SLC4A10: variants seen among roughly 807,000 people sequenced by gnomAD.
The protein encoded by SLC4A10 is solute carrier family 4 member 10, also known as sodium-driven chloride bicarbonate exchanger.
In SLC4A10, 42 loss-of-function variants were observed where a neutral mutation model predicts 137.7. The observed-to-expected ratio is 0.30, with a 90% CI of 0.24 to 0.39. The LOEUF (loss-of-function observed/expected upper bound fraction) is 0.39. Among genes scored for constraint, SLC4A10 ranks in the 10% least tolerant of loss-of-function variants. The pLI, the probability that SLC4A10 is intolerant of heterozygous loss-of-function variation, is 1.00. For missense variants in SLC4A10, 925 were observed against 1,355.0 expected (o/e 0.68, Z 4.98); for synonymous variants, 474 against 464.1 (o/e 1.02, Z -0.27).
chr2:161,792,849 T>C (rs1446963762), intron 2 of SLC4A10, among the ~76,000 whole-genome samples: 4 of 152,152 alleles, frequency 2.6e-5, no homozygotes, highest in African/African-American at 9.7e-5. Flanking sequence ...GTGCTTGAGT[T>C]CTAGAACCCA....
Position 161,770,976 on chromosome 2 carries a change from AATG to A in SLC4A10, c.57_59del (p.Asp19del), listed in dbSNP as rs2051517636. ...CTTCCTTATCCTCATTTAACAGAGAAATGATGAAGAAGCAGTTGTGGATAGAGG... is the reference window on the plus strand; with the variant it reads ...CTTCCTTATCCTCATTTAACAGAGAAATGAAGAAGCAGTTGTGGATAGAGG... On this transcript the variant is annotated inframe_deletion, in exon 2 of 27. Coordinates refer to ENST00000446997, the MANE Select transcript of SLC4A10 (RefSeq NM_001178015.2). 6.2e-7 allele frequency: 1 copy of A among 1,602,434 alleles called. No individual in the cohort carries two copies. The highest frequency in any genetic ancestry group is 8.5e-7 in the Non-Finnish European group (1 of 1,172,982).
intron 1 of SLC4A10, among the ~76,000 whole-genome samples, chr2:161,722,170 G>T (rs773168548): frequency 5.9e-4 from 90 of 152,302 alleles, no homozygotes; most frequent in Non-Finnish European, 9.8e-4. Context: ...ACCTTCTGCA[G>T]CCTACTTTTG....
At chr2:161,978,662 A>G (rs1480233306) in intron 26 of SLC4A10, among the ~76,000 whole-genome samples, 1 of 152,212 alleles carries the variant, frequency 6.6e-6, no homozygotes, top group African/African-American at 2.4e-5. Context: ...CAGCAAGTGC[A>G]TAGAATCTTC....
chr2:161,866,759 A>C (rs1368216464), intron 6 of SLC4A10, among the ~76,000 whole-genome samples: 2 of 151,832 alleles, frequency 1.3e-5, no homozygotes, highest in African/African-American at 4.8e-5. Flanking sequence ...TAGAAGACAA[A>C]TTTTATCAGT....
intron 16 of SLC4A10, among the ~76,000 whole-genome samples, chr2:161,944,217 A>C (rs1693282926): frequency 6.6e-6 from 1 of 151,866 alleles, no homozygotes. Context: ...GTTATTCAGA[A>C]TTTAGACATG....
chr2:161,781,356 A>G (rs75661971), intron 2 of SLC4A10, among the ~76,000 whole-genome samples: 3,264 of 152,128 alleles, frequency 0.021, 60 homozygotes, highest in Non-Finnish European at 0.033. Context: ...TCTTCCACTT[A>G]TGTCCTTTAA....
chr2:161,656,703 A>T (rs950203286), intron 1 of SLC4A10, among the ~76,000 whole-genome samples: 7 of 152,162 alleles, frequency 4.6e-5, no homozygotes, highest in Admixed American at 1.3e-4. Flanking sequence ...ACCATTTAAA[A>T]ATTTCTACAT....
At chr2:161,708,689 A>G (rs1264955348) in intron 1 of SLC4A10, 34 of 1,508,042 alleles carry the variant, frequency 2.3e-5, no homozygotes, top group Non-Finnish European at 2.9e-5. Context: ...TATTTTTTTC[A>G]CTAGCCCTGA....
chr2:161,930,045 T>A (rs1690039213), intron 15 of SLC4A10, among the ~76,000 whole-genome samples: 1 of 152,220 alleles, frequency 6.6e-6, no homozygotes, highest in East Asian at 1.9e-4. Flanking sequence ...TACCTGGTCT[T>A]TCTTGGAATA....
At chr2:161,636,648 C>T (rs1347649485) in intron 1 of SLC4A10, among the ~76,000 whole-genome samples, 1 of 151,988 alleles carries the variant, frequency 6.6e-6, no homozygotes, top group Non-Finnish European at 1.5e-5. Flanking sequence ...GTTCCACTCA[C>T]CTTGGCCTCC....
intron 1 of SLC4A10, among the ~76,000 whole-genome samples, chr2:161,646,381 G>A (rs901007778): frequency 3.9e-5 from 6 of 151,978 alleles, no homozygotes; most frequent in African/African-American, 1.4e-4. Context: ...TAAACCAAAT[G>A]TAAAGGGATG....
intron 1 of SLC4A10, among the ~76,000 whole-genome samples, chr2:161,662,250 T>A (rs2038518520): frequency 6.6e-6 from 1 of 152,188 alleles, no homozygotes. Flanking sequence ...TTCATTTTTT[T>A]AAAACCATAT....
At chr2:161,725,609 CA>C (rs574918535) in intron 1 of SLC4A10, among the ~76,000 whole-genome samples, 2 of 152,122 alleles carry the variant, frequency 1.3e-5, no homozygotes, top group Non-Finnish European at 2.9e-5. Flanking sequence ...TTTTCTCCTA[CA>C]AAAAAATTAC....
intron 1 of SLC4A10, among the ~76,000 whole-genome samples, chr2:161,636,649 C>T (rs2034440879): frequency 6.6e-6 from 1 of 151,970 alleles, no homozygotes; most frequent in South Asian, 2.1e-4. Flanking sequence ...TTCCACTCAC[C>T]TTGGCCTCCC....
In SLC4A10 at chr2:161,932,235, G is replaced by A. The variant is rs528779918; in HGVS notation, c.1998-10557G>A. Among the ~76,000 whole-genome samples the A allele has an allele frequency of 2.0e-4, 30 of 152,278 alleles. 1 individual carries two copies. Among genetic ancestry groups the A allele is most frequent in the African/African-American group, 7.2e-4 (30 of 41,556 alleles). On this transcript the variant is annotated intron_variant, in intron 15 of 26. Transcript: ENST00000446997. ...GGTTCAGATATGTATGAGCAGAACAGTAGCAAGACATTTGCAGACCTATGA... is the reference window on the plus strand; with the variant it reads ...GGTTCAGATATGTATGAGCAGAACAATAGCAAGACATTTGCAGACCTATGA...
chr2:161,698,166 A>C (rs978771778), intron 1 of SLC4A10, among the ~76,000 whole-genome samples: 2 of 152,216 alleles, frequency 1.3e-5, no homozygotes, highest in Non-Finnish European at 2.9e-5. Context: ...TTCTGTCTTG[A>C]GACTTTGCTG....
At chr2:161,853,543 A>G (rs1160151718) in intron 4 of SLC4A10, among the ~76,000 whole-genome samples, 1 of 152,230 alleles carries the variant, frequency 6.6e-6, no homozygotes, top group Non-Finnish European at 1.5e-5. Context: ...TCCTAGGAAG[A>G]GAGGGAGAAC....
At chr2:161,708,068 T>C (rs2043883251) in intron 1 of SLC4A10, among the ~76,000 whole-genome samples, 1 of 151,504 alleles carries the variant, frequency 6.6e-6, no homozygotes, top group African/African-American at 2.4e-5. Flanking sequence ...ATAAAATGTA[T>C]GTTGGTATGA....
intron 4 of SLC4A10, among the ~76,000 whole-genome samples, chr2:161,841,461 T>C (rs2059178407): frequency 6.6e-6 from 1 of 152,234 alleles, no homozygotes; most frequent in Non-Finnish European, 1.5e-5. Flanking sequence ...CTTAAGCATA[T>C]TTATTAGTGG....
Sources: gnomAD v4.1 joint callset for allele counts (sites outside exome capture counted in the v4.1 genomes callset) on GRCh38, gnomAD v4.1.1 for gene constraint, MANE v1.5 for transcripts, NCBI Gene and HGNC (gene_info 2026-07-23, HGNC 2026-07-21) for gene names.